The following SDK1 variants were observed in gnomAD, a reference collection of about 807,000 sequenced individuals.
SDK1 encodes the protein sidekick cell adhesion molecule 1.
A neutral mutation model predicts 245.5 loss-of-function variants in SDK1; 157 were observed. The ratio of observed to expected loss-of-function variants is 0.64; its 90% CI spans 0.56 to 0.73. SDK1 has a LOEUF of 0.73. Among genes scored for constraint, SDK1 ranks in the 30% least tolerant of loss-of-function variants. SDK1 has a pLI of 0.00. For missense variants in SDK1, 3,583 were observed against 3,002.3 expected (o/e 1.19, Z -4.52); for synonymous variants, 1,647 against 1,278.5 (o/e 1.29, Z -6.15).
At chr7:3,712,629 G>C (rs1211562716) in intron 4 of SDK1, among the ~76,000 whole-genome samples, 1 of 152,184 alleles carries the variant, frequency 6.6e-6, no homozygotes, top group Non-Finnish European at 1.5e-5. Flanking sequence ...TTGTCATGTT[G>C]TTTTAAAGAT....
chr7:4,063,506 T>C (rs904082696), intron 19 of SDK1, among the ~76,000 whole-genome samples: 1 of 151,036 alleles, frequency 6.6e-6, no homozygotes, highest in Admixed American at 6.6e-5. Context: ...TCAGAAGAAT[T>C]AGCATTATTA....
At chr7:4,143,118 G>T (rs1055600458) in intron 28 of SDK1, among the ~76,000 whole-genome samples, 2 of 152,176 alleles carry the variant, frequency 1.3e-5, no homozygotes, top group South Asian at 4.1e-4. Context: ...CTCAGGGCTG[G>T]GCTAGGGGCT....
chr7:4,050,059 C>A (rs13226987), intron 18 of SDK1, among the ~76,000 whole-genome samples: 24,879 of 152,082 alleles, frequency 0.16, 2,221 homozygotes, highest in African/African-American at 0.24. Context: ...GCTGATCCTC[C>A]CTTTCAGATC....
intron 4 of SDK1, among the ~76,000 whole-genome samples, chr7:3,661,102 C>G (rs1274313602): frequency 6.6e-6 from 1 of 152,222 alleles, no homozygotes; most frequent in African/African-American, 2.4e-5. Context: ...TTATTGCCTA[C>G]TCCAGTGATC....
At chr7:3,935,775 C>G (rs766607440) in intron 5 of SDK1, among the ~76,000 whole-genome samples, 1 of 152,230 alleles carries the variant, frequency 6.6e-6, no homozygotes, top group Non-Finnish European at 1.5e-5. Flanking sequence ...GAAACTGGAA[C>G]GCTTAGGTAC....
At chr7:3,525,807 T>TA (rs1051077345) in intron 1 of SDK1, among the ~76,000 whole-genome samples, 1 of 152,110 alleles carries the variant, frequency 6.6e-6, no homozygotes, top group African/African-American at 2.4e-5. Flanking sequence ...CTTTGAGAAA[T>TA]AAAAAAATAT....
Position 4,139,541 on chromosome 7 carries a change from A to G in SDK1, c.4229-6181A>G, listed in dbSNP as rs1281533247. Among the ~76,000 whole-genome samples, 60 of 31,376 alleles carry G rather than the reference A, an allele frequency of 1.9e-3. 7 individuals are homozygous for G. The highest frequency in any genetic ancestry group is 5.3e-3 in the East Asian group (2 of 374). 20.6% of individuals were successfully genotyped at this position (31,376 alleles called of 152,430 possible). ...TGTGTGTGTATGTGTGTGTGTATAT[A>G]TGTGTGTGTATATGTATATATGTGT... On this transcript the variant is annotated intron_variant, in intron 28 of 44. Coordinates refer to ENST00000404826, the MANE Select transcript of SDK1 (RefSeq NM_152744.4).
rs921275933 is a variant in SDK1, at chr7:4,180,546, C to T, written c.5098+1960C>T. The stretch of plus-strand genomic sequence containing the variant: ...CAGCACCCGGCTCCAGCTCTATGCC[C>T]AGCGCCCAGCTCCAGTTCTAGGGTC... On this transcript the variant is annotated intron_variant, in intron 35 of 44. Coordinates refer to ENST00000404826, the MANE Select transcript of SDK1 (RefSeq NM_152744.4). Among the ~76,000 whole-genome samples, 5 of 152,026 alleles carry T rather than the reference C, an allele frequency of 3.3e-5. No individual in the cohort carries two copies. In the East Asian group the frequency reaches 5.9e-4, roughly 18 times the overall value.
At chr7:3,903,172 GAGA>G (rs1781848332) in intron 5 of SDK1, among the ~76,000 whole-genome samples, 1 of 146,992 alleles carries the variant, frequency 6.8e-6, no homozygotes, top group South Asian at 2.2e-4. Flanking sequence ...TGAGACAGAC[GAGA>G]CTCCGTCGCT....
chr7:3,738,818 CT>C (rs1779393546), intron 4 of SDK1, among the ~76,000 whole-genome samples: 1 of 151,388 alleles, frequency 6.6e-6, no homozygotes. Context: ...TCTTAATTTC[CT>C]TTTATTTGTT....
At chr7:4,163,072 G>C (rs1422699020) in intron 32 of SDK1, among the ~76,000 whole-genome samples, 5 of 152,218 alleles carry the variant, frequency 3.3e-5, no homozygotes, top group African/African-American at 9.7e-5. Flanking sequence ...CAGATGGACA[G>C]GCAGGGGGCC....
At chr7:3,340,299 G>A (rs1780312036) in intron 1 of SDK1, among the ~76,000 whole-genome samples, 1 of 151,976 alleles carries the variant, frequency 6.6e-6, no homozygotes. Flanking sequence ...ATATATAAAA[G>A]TTACATTTAC....
intron 1 of SDK1, among the ~76,000 whole-genome samples, chr7:3,334,992 CTAATT>C (rs1342237637): frequency 6.6e-6 from 1 of 151,920 alleles, no homozygotes; most frequent in African/African-American, 2.4e-5. Context: ...TTTTTCTTCT[CTAATT>C]TATCACCCTG....
chr7:3,552,545 TC>T (rs1375109377), intron 1 of SDK1, among the ~76,000 whole-genome samples: 1 of 152,238 alleles, frequency 6.6e-6, no homozygotes, highest in Non-Finnish European at 1.5e-5. Flanking sequence ...CCATATTTTT[TC>T]CTTGGAAATA....
At chr7:3,940,335 T>G (rs549347144) in intron 5 of SDK1, among the ~76,000 whole-genome samples, 1 of 152,388 alleles carries the variant, frequency 6.6e-6, no homozygotes, top group South Asian at 2.1e-4. Context: ...CTTCTGCTTC[T>G]GTATAGCTCT....
chr7:3,310,081 C>G (rs973411471), intron 1 of SDK1, among the ~76,000 whole-genome samples: 37 of 152,222 alleles, frequency 2.4e-4, no homozygotes, highest in African/African-American at 8.2e-4. Flanking sequence ...CTCCCGGGTA[C>G]TGTCCTTTTG....
intron 1 of SDK1, among the ~76,000 whole-genome samples, chr7:3,470,714 A>G (rs7785356): frequency 0.17 from 25,706 of 152,144 alleles, 2,397 homozygotes; most frequent in African/African-American, 0.24. Context: ...ATAGGGTGCC[A>G]GCAGGAGAAT....
chr7:3,308,076 T>C (rs193182726), intron 1 of SDK1, among the ~76,000 whole-genome samples: 1 of 152,332 alleles, frequency 6.6e-6, no homozygotes, highest in Admixed American at 6.5e-5. Context: ...ACATGATATA[T>C]TTACTCTAGC....
intron 1 of SDK1, among the ~76,000 whole-genome samples, chr7:3,602,331 C>G (rs1205256313): frequency 6.6e-6 from 1 of 151,080 alleles, no homozygotes; most frequent in East Asian, 1.9e-4. Context: ...ACATCCTCTC[C>G]AGCACCTGTT....
Sources: gnomAD v4.1 joint callset for allele counts (sites outside exome capture counted in the v4.1 genomes callset) on GRCh38, gnomAD v4.1.1 for gene constraint, MANE v1.5 for transcripts, NCBI Gene and HGNC (gene_info 2026-07-23, HGNC 2026-07-21) for gene names.